Variants in NEMP2 observed in about 807,000 individuals in gnomAD.
The protein encoded by NEMP2 is nuclear envelope integral membrane protein 2.
NEMP2 carries 53 observed loss-of-function variants against 54.2 expected under a neutral mutation model. The ratio of observed to expected loss-of-function variants is 0.98; its 90% CI spans 0.78 to 1.23. The LOEUF (loss-of-function observed/expected upper bound fraction) is 1.23, where lower values mean the gene tolerates loss of function less well. NEMP2 is among the 50% of genes most tolerant of loss of function. NEMP2 has a pLI of 0.00. For missense variants in NEMP2, 455 were observed against 511.3 expected, an observed-to-expected ratio of 0.89 and a Z score of 1.06; for synonymous variants, 197 against 190.3, an observed-to-expected ratio of 1.04 and a Z score of -0.29.
the NEMP2 span, among the ~76,000 whole-genome samples, chr2:190,612,346 G>A: frequency 6.6e-6 from 1 of 151,836 alleles, no homozygotes; most frequent in African/African-American, 2.4e-5. Flanking sequence ...AGTAGAGATG[G>A]GGTTTCACCA....
At chr2:190,594,136 A>G in the NEMP2 span, among the ~76,000 whole-genome samples, 3 of 152,136 alleles carry the variant, frequency 2.0e-5, no homozygotes, top group Non-Finnish European at 4.4e-5. The surrounding 1 kb of genome is among the most constrained non-coding windows in gnomAD (Gnocchi z 5.6). Flanking sequence ...CCCTGAATAT[A>G]GTGAGCTTGA....
the NEMP2 span, among the ~76,000 whole-genome samples, chr2:190,554,357 G>A: frequency 6.6e-6 from 1 of 152,190 alleles, no homozygotes; most frequent in South Asian, 2.1e-4. This position sits in a 1 kb window ranked among gnomAD's most constrained non-coding sequence, Gnocchi z 5.7. Context: ...AAGTGGTCTG[G>A]CTCTGCAGGT....
Position 190,533,375 on chromosome 2 carries a change from C to T in NEMP2, c.97+1184G>A, listed in dbSNP as rs1691225505. ...TACTACCAAACCTTCGTTTTCTCAT[C>T]TGTAAAATGGGTATAAAATGGTGCT... On this transcript the variant is annotated intron_variant, in intron 1 of 8. Transcript: ENST00000409150. This position sits in a 1 kb window ranked among gnomAD's most constrained non-coding sequence, Gnocchi z 4.3. 1.3e-5 allele frequency among the ~76,000 whole-genome samples: 2 copies of T among 152,202 alleles called. No homozygotes were observed. Among genetic ancestry groups the T allele is most frequent in the African/African-American group, 2.4e-5 (1 of 41,444 alleles).
At position 190,522,884 on chromosome 2, in the gene NEMP2, C is replaced by T. The variant is rs1312535245; in HGVS notation, c.213+2379G>A. On this transcript the variant is annotated intron_variant, in intron 2 of 8. Coordinates refer to ENST00000409150, the MANE Select transcript of NEMP2 (RefSeq NM_001142645.2). The surrounding 1 kb of genome is among the most constrained non-coding windows in gnomAD (Gnocchi z 5.0). ...GCACCCCTCTCTGCTTCAAGTTGTC[C>T]CACCTTTCTGGACCTAACTAATGTA... is the stretch of plus-strand genomic sequence containing the variant. 1.3e-5 allele frequency among the ~76,000 whole-genome samples: 2 copies of T among 152,052 alleles called. No individual in the cohort carries two copies. The highest frequency in any genetic ancestry group is 4.8e-5 in the African/African-American group (2 of 41,410).
chr2:190,551,436 C>G, the NEMP2 span, among the ~76,000 whole-genome samples: 1 of 143,952 alleles, frequency 6.9e-6, no homozygotes, highest in Non-Finnish European at 1.5e-5. Context: ...GTTTTGTTTT[C>G]TTTGCTCTTC....
chr2:190,559,530 A>G, the NEMP2 span, among the ~76,000 whole-genome samples: 18 of 152,224 alleles, frequency 1.2e-4, no homozygotes, highest in African/African-American at 4.3e-4. This position sits in a 1 kb window ranked among gnomAD's most constrained non-coding sequence, Gnocchi z 4.0. Context: ...AGGATGAAGA[A>G]GAAGAGCCTG....
chr2:190,543,490 C>T, the NEMP2 span, among the ~76,000 whole-genome samples: 1 of 152,192 alleles, frequency 6.6e-6, no homozygotes, highest in Non-Finnish European at 1.5e-5. This position sits in a 1 kb window ranked among gnomAD's most constrained non-coding sequence, Gnocchi z 4.7. Context: ...CTGTTCCTGC[C>T]TCAACCCTTG....
rs1442216574 is a variant in NEMP2 at position 190,533,463 on chromosome 2, C to CTTTA, written c.97+1095_97+1096insTAAA. On this transcript the variant is annotated intron_variant, in intron 1 of 8. Transcript: ENST00000409150. This position sits in a 1 kb window ranked among gnomAD's most constrained non-coding sequence, Gnocchi z 4.3. ...GATACTGCAGTTAAAGCACTTATAA[C>CTTTA]ACTGCCTAGCACATACTGAACACTC... Among the ~76,000 whole-genome samples, 1 of 152,206 alleles carries CTTTA rather than the reference C, an allele frequency of 6.6e-6. No individual in the cohort carries two copies. Among genetic ancestry groups the CTTTA allele is most frequent in the Non-Finnish European group, 1.5e-5 (1 of 68,044 alleles).
chr2:190,583,935 C>T, the NEMP2 span, among the ~76,000 whole-genome samples: 1 of 152,192 alleles, frequency 6.6e-6, no homozygotes, highest in African/African-American at 2.4e-5. Context: ...TATCTTTGGC[C>T]TGCTTCCAAG....
the NEMP2 span, among the ~76,000 whole-genome samples, chr2:190,481,841 GC>G: frequency 6.6e-6 from 1 of 152,166 alleles, no homozygotes; most frequent in East Asian, 1.9e-4. Context: ...TGCTGCTGCT[GC>G]TGCTAAGTCC....
chr2:190,534,498 C>T (rs953063904), intron 1 of NEMP2, 61 bp downstream of exon 1: 3 of 1,331,570 alleles, frequency 2.3e-6, no homozygotes, highest in African/African-American at 1.5e-5. Context: ...GCCCTCAGGG[C>T]AGCCGCGAAG....
the NEMP2 span, among the ~76,000 whole-genome samples, chr2:190,493,344 T>C: frequency 6.6e-6 from 1 of 152,152 alleles, no homozygotes; most frequent in Non-Finnish European, 1.5e-5. Flanking sequence ...CAATCTTCAA[T>C]ATACATACAC....
At chr2:190,554,877 T>C in the NEMP2 span, among the ~76,000 whole-genome samples, 1 of 152,184 alleles carries the variant, frequency 6.6e-6, no homozygotes, top group African/African-American at 2.4e-5. This position sits in a 1 kb window ranked among gnomAD's most constrained non-coding sequence, Gnocchi z 5.7. Context: ...CACCTCCCAA[T>C]AGGGGCCGAC....
the NEMP2 span, among the ~76,000 whole-genome samples, chr2:190,570,508 A>G: frequency 6.6e-6 from 1 of 152,206 alleles, no homozygotes; most frequent in African/African-American, 2.4e-5. This position sits in a 1 kb window ranked among gnomAD's most constrained non-coding sequence, Gnocchi z 5.4. Flanking sequence ...TTACATGGCC[A>G]AGGTAATCTT....
At chr2:190,532,154 A>C (rs1559170014) in intron 1 of NEMP2, among the ~76,000 whole-genome samples, 1 of 152,256 alleles carries the variant, frequency 6.6e-6, no homozygotes. Context: ...ACTTGTGAGA[A>C]GTCAAATGGA....
the NEMP2 span, among the ~76,000 whole-genome samples, chr2:190,453,354 T>C: frequency 1.2e-4 from 19 of 152,084 alleles, no homozygotes; most frequent in Non-Finnish European, 2.5e-4. Context: ...ATGGGGAGGA[T>C]GCCCATTGGA....
the NEMP2 span, among the ~76,000 whole-genome samples, chr2:190,542,359 GCAC>G: frequency 3.4e-4 from 52 of 152,184 alleles, no homozygotes; most frequent in Non-Finnish European, 5.4e-4. This position sits in a 1 kb window ranked among gnomAD's most constrained non-coding sequence, Gnocchi z 4.6. Context: ...CTACAGGAGT[GCAC>G]CACCACACCC....
chr2:190,476,768 A>G, the NEMP2 span, among the ~76,000 whole-genome samples: 17 of 152,138 alleles, frequency 1.1e-4, no homozygotes, highest in African/African-American at 2.7e-4. Flanking sequence ...TGTTTATTGC[A>G]GCACTATTCA....
the NEMP2 span, among the ~76,000 whole-genome samples, chr2:190,606,972 A>G: frequency 6.6e-6 from 1 of 152,138 alleles, no homozygotes; most frequent in African/African-American, 2.4e-5. Flanking sequence ...CCGGGAATGC[A>G]GGGAGGAAGA....
Sources: gnomAD v4.1 joint callset for allele counts (sites outside exome capture counted in the v4.1 genomes callset) on GRCh38, gnomAD v4.1.1 for gene constraint, Gnocchi (gnomAD v3.1) non-coding constraint, MANE v1.5 for transcripts, NCBI Gene and HGNC (gene_info 2026-07-23, HGNC 2026-07-21) for gene names.